PALB2: variants seen among roughly 807,000 people sequenced by gnomAD.
The protein encoded by PALB2 is partner and localizer of BRCA2, also known as mutant partner and localizer of BRCA2.
PALB2 carries 82 observed loss-of-function variants against 107.4 expected under a neutral mutation model. The observed-to-expected ratio is 0.76, with a 90% confidence interval of 0.64 to 0.92. The LOEUF (loss-of-function observed/expected upper bound fraction) is 0.92. Ranked by LOEUF, PALB2 falls within the 40% of genes least tolerant of loss-of-function variation. PALB2 has a pLI of 0.00. For missense variants in PALB2, 1,374 were observed against 1,379.9 expected (o/e 1.00, Z 0.07); for synonymous variants, 489 against 496.8 (o/e 0.98, Z 0.21).
intron 4 of PALB2, among the ~76,000 whole-genome samples, chr16:23,631,279 CAAAAAAAAAAA>C (rs1157091932): frequency 5.5e-4 from 13 of 23,650 alleles, no homozygotes; most frequent in Admixed American, 3.1e-3. Flanking sequence ...GACTCTGTCT[CAAAAAAAAAAA>C]AAAAAAAAAA....
chr16:23,607,175 T>G (rs546222313), intron 12 of PALB2: 2 of 152,468 alleles, frequency 1.3e-5, no homozygotes, highest in African/African-American at 2.4e-5. Context: ...CTCAGTCAGA[T>G]TTCAAAGTAA....
At position 23,635,127 on chromosome 16, in the gene PALB2, T is replaced by G. The variant is rs62625275; in HGVS notation, c.1419A>C (p.Pro473=). 5.9e-4 allele frequency: 956 copies of G among 1,614,242 alleles called. 4 individuals are homozygous for G. The African/African-American group carries it at 0.011, about 18-fold the overall frequency. ...GAAGTTTCTGAGAGGTTCTTGAACT[T>G]GGTTGTCCTGTGCATGTGCCAGACA... is the stretch of plus-strand genomic sequence containing the variant. ...IRMSGTCTGQ[P]SSRTSQKLLS... is the part of the protein sequence containing the mutation. The change falls in exon 4 of 13, where the codon CCA becomes CCC. Residue 473 remains proline (P), a synonymous_variant. Transcript: ENST00000261584.
At chr16:23,634,680 AAT>A in intron 4 of PALB2, among the ~76,000 whole-genome samples, 180 bp downstream of exon 4, 1 of 127,782 alleles carries the variant, frequency 7.8e-6, no homozygotes. Context: ...TATTTATTTA[AAT>A]TTTTTTGAGC....
In PALB2 at chr16:23,641,153, T is replaced by C. The variant is rs1379618411; in HGVS notation, c.5A>G (p.Asp2Gly). 7 of 1,612,868 alleles carry C rather than the reference T, an allele frequency of 4.3e-6. No individual in the cohort carries two copies. In the South Asian group the frequency reaches 7.7e-5, roughly 18 times the overall value. Residue 2 changes from aspartate to glycine, a missense_variant, in exon 1 of 13, where the codon GAC (aspartate) becomes GGC (glycine). Coordinates refer to ENST00000261584, the MANE Select transcript of PALB2 (RefSeq NM_024675.4). ...GCTGAGGGGCTTCCCGGGAGGCTCG[T>C]CCATCGGGCAGGCGACAGAACGAAA... MDEPPGKPLSCE... is the reference protein window; with the variant it reads MGEPPGKPLSCE...
Position 23,630,203 on chromosome 16 carries a change from C to T in PALB2, c.1951G>A (p.Gly651Arg), listed in dbSNP as rs2142385164. 6.2e-7 allele frequency: 1 copy of T among 1,614,086 alleles called. No individual in the cohort carries two copies. Among genetic ancestry groups the T allele is most frequent in the Non-Finnish European group, 8.5e-7 (1 of 1,180,014 alleles). The change falls in exon 5 of 13, where the codon GGA (glycine) becomes AGA (arginine). Residue 651 changes from glycine to arginine, a missense_variant. Gly to Arg is a moderately radical substitution (Grantham distance 125, BLOSUM62 -2). Transcript: ENST00000261584. Reference protein sequence around the residue: ...KMFGERHLKEGSCIFPEELSP... With the variant: ...KMFGERHLKERSCIFPEELSP... ...AGTTCCTCTGGAAAAATACAGCTTC[C>T]CTCTTTAAGATGTCTCTCTCCAAAC...
chr16:23,641,308 G>A lies in PALB2; in HGVS notation c.-151C>T, dbSNP rs1357181197. 4 of 1,114,110 alleles carry A rather than the reference G, an allele frequency of 3.6e-6. No homozygotes were observed. The highest frequency in any genetic ancestry group is 5.2e-5 in the East Asian group (2 of 38,760). 69.0% of individuals were successfully genotyped at this position (1,114,110 alleles called of 1,614,324 possible). A position where few individuals can be genotyped will look rare whatever the true frequency, so the allele number is the denominator to read the frequency against. ...AGTGCGCGATCAGCTGACCCACGCG[G>A]GCCAAGCGCGCCCTAAACTCCGGCC... On this transcript the variant is annotated 5_prime_UTR_variant, in exon 1 of 13. Transcript: ENST00000261584.
Position 23,603,330 on chromosome 16 carries a change from A to G in PALB2, c.*129T>C. 2.7e-6 allele frequency: 2 copies of G among 737,168 alleles called. No individual in the cohort carries two copies. The highest frequency in any genetic ancestry group is 4.6e-6 in the Non-Finnish European group (2 of 431,470). 45.7% of individuals were successfully genotyped at this position (737,168 alleles called of 1,614,324 possible). A position where few individuals can be genotyped will look rare whatever the true frequency, so the allele number is the denominator to read the frequency against. ...TGCTACCATCATTAGAATAAAAAAT[A>G]AGTCTGTCTGGACATAAACAAGCAA... On this transcript the variant is annotated 3_prime_UTR_variant, in exon 13 of 13. Transcript: ENST00000261584.
At chr16:23,605,291 C>T (rs1966449701) in intron 12 of PALB2, among the ~76,000 whole-genome samples, 1 of 152,126 alleles carries the variant, frequency 6.6e-6, no homozygotes, top group Admixed American at 6.6e-5. Context: ...ATTAAGGTGC[C>T]CACCTCTCCA....
chr16:23,635,931 T>C lies in PALB2; in HGVS notation c.615A>G (p.Glu205=), dbSNP rs748128739. The C allele has an allele frequency of 2.5e-6, 4 of 1,614,066 alleles. No individual in the cohort carries two copies. The highest frequency in any genetic ancestry group is 3.4e-6 in the Non-Finnish European group (4 of 1,180,048). ...TAACTGGTTCTGGAGAATCTGGAAGTTCAGATTTAAGACTTAAAAGGTGAG... is the reference window on the plus strand; with the variant it reads ...TAACTGGTTCTGGAGAATCTGGAAGCTCAGATTTAAGACTTAAAAGGTGAG... The part of the protein sequence containing the change: ...IRTHLLSLKS[E]LPDSPEPVTE... Residue 205 remains glutamate (E), a synonymous_variant, in exon 4 of 13, where the codon GAA becomes GAG. Coordinates refer to ENST00000261584, the MANE Select transcript of PALB2 (RefSeq NM_024675.4).
intron 9 of PALB2, among the ~76,000 whole-genome samples, chr16:23,622,387 TTGTGTGTGTG>T (rs142078087): frequency 2.0e-5 from 3 of 148,822 alleles, no homozygotes; most frequent in Non-Finnish European, 4.5e-5. Flanking sequence ...TTAAAAATAT[TTGTGTGTGTG>T]TGTGTGTGTG....
At chr16:23,609,197 C>T (rs1330776095) in intron 11 of PALB2, among the ~76,000 whole-genome samples, 3 of 151,996 alleles carry the variant, frequency 2.0e-5, no homozygotes. Context: ...CTCAGGAGGC[C>T]GAGGCAGTAG....
At chr16:23,623,569 G>T (rs1344339665) in intron 8 of PALB2, among the ~76,000 whole-genome samples, 2 of 134,514 alleles carry the variant, frequency 1.5e-5, no homozygotes, top group African/African-American at 5.8e-5. Context: ...GGAATGCAGT[G>T]GTGGCACGAT....
intron 9 of PALB2, among the ~76,000 whole-genome samples, chr16:23,622,458 G>A (rs1966789923): frequency 6.6e-6 from 1 of 152,050 alleles, no homozygotes; most frequent in South Asian, 2.1e-4. Flanking sequence ...GTGGTGGCGT[G>A]ATCACAGCTC....
chr16:23,635,629 T>A lies in PALB2; in HGVS notation c.917A>T (p.Asn306Ile), dbSNP rs1567222023. Residue 306 changes from asparagine (N) to isoleucine (I), a missense_variant, in exon 4 of 13, where the codon AAT (asparagine) becomes ATT (isoleucine). Physicochemically the swap from Asn to Ile is moderately radical, Grantham distance 149. Transcript: ENST00000261584. ...MTVSTDNLLV[N>I]KAISKSGQLP... is the part of the protein sequence containing the mutation. The stretch of plus-strand genomic sequence containing the variant: ...TTGGCCACTTTTACTTATAGCTTTA[T>A]TTACAAGGAGGTTATCTGTAGAGAC... 6.2e-7 allele frequency: 1 copy of A among 1,614,026 alleles called. No homozygotes were observed.
At chr16:23,641,080 C>T in intron 1 of PALB2, 30 bp downstream of exon 1, 1 of 1,610,998 alleles carries the variant, frequency 6.2e-7, no homozygotes, top group Non-Finnish European at 8.5e-7. Flanking sequence ...GGTCAGAGTC[C>T]TGCGTCCGCC....
rs2142391661 is a variant in PALB2 at position 23,630,488 on chromosome 16, T to A, written c.1685-19A>T. On this transcript the variant is annotated intron_variant, in intron 4 of 12. Transcript: ENST00000261584. ...TTCTTCCCTAAAGAAGAAAAATAAG[T>A]CACAAAATAGTAACAAAACCCAACA... The A allele has an allele frequency of 6.4e-7, 1 of 1,571,548 alleles. No homozygotes were observed.
rs1555461314 is a variant in PALB2 at position 23,635,175 on chromosome 16, T to C, written c.1371A>G (p.Glu457=). 1 of 1,614,210 alleles carries C rather than the reference T, an allele frequency of 6.2e-7. No homozygotes were observed. The highest frequency in any genetic ancestry group is 8.5e-7 in the Non-Finnish European group (1 of 1,180,038). ...ACATCCTAATTTCACTTTGGTCAGT[T>C]TCCTCATTGGAAAGGTTTAAATTTT... The part of the protein sequence containing the change: ...ASKNLNLSNE[E]TDQSEIRMSG... Residue 457 remains glutamate (E), a synonymous_variant, in exon 4 of 13, where the codon GAA becomes GAG. Transcript: ENST00000261584.
At chr16:23,628,453 C>T (rs1966851335) in intron 6 of PALB2, among the ~76,000 whole-genome samples, 1 of 152,104 alleles carries the variant, frequency 6.6e-6, no homozygotes, top group African/African-American at 2.4e-5. Flanking sequence ...CATCTTCAAC[C>T]CTACACCTAG....
intron 4 of PALB2, among the ~76,000 whole-genome samples, chr16:23,634,643 ATTT>A (rs1567220372): frequency 1.8e-4 from 14 of 77,502 alleles, no homozygotes; most frequent in Admixed American, 7.9e-4. Flanking sequence ...CTTTATTTTT[ATTT>A]ATTTATTTAT....
Sources: gnomAD v4.1 joint callset for allele counts (sites outside exome capture counted in the v4.1 genomes callset) on GRCh38, gnomAD v4.1.1 for gene constraint, MANE v1.5 for transcripts, NCBI Gene and HGNC (gene_info 2026-07-23, HGNC 2026-07-21) for gene names.